SCHIP1: variants seen among roughly 807,000 people sequenced by gnomAD.
The protein encoded by SCHIP1 is schwannomin interacting protein 1.
SCHIP1 carries 8 observed loss-of-function variants against 29.7 expected under a neutral mutation model. That is an observed-to-expected ratio of 0.27 (90% CI 0.16 to 0.49). SCHIP1 has a LOEUF of 0.49. Among genes scored for constraint, SCHIP1 ranks in the 20% least tolerant of loss-of-function variants. The pLI is 0.99. For synonymous variants in SCHIP1, 76 were observed against 94.9 expected (o/e 0.80, Z 1.16); for missense variants, 193 against 294.6 (o/e 0.66, Z 2.52).
At chr3:159,880,578 A>G (rs988838278) in intron 2 of SCHIP1, among the ~76,000 whole-genome samples, 2 of 152,368 alleles carry the variant, frequency 1.3e-5, no homozygotes, top group Non-Finnish European at 2.9e-5. Flanking sequence ...AAAAAGAAAC[A>G]TAAGTGAGTG....
the SCHIP1 span, among the ~76,000 whole-genome samples, chr3:159,793,987 C>T: frequency 6.6e-6 from 1 of 152,300 alleles, no homozygotes; most frequent in South Asian, 2.1e-4. Context: ...TATGAGGACC[C>T]ATGTAACTAC....
chr3:159,544,620 C>T, the SCHIP1 span, among the ~76,000 whole-genome samples: 214 of 152,040 alleles, frequency 1.4e-3, 6 homozygotes, highest in East Asian at 0.04. Flanking sequence ...AGCATCGTTT[C>T]ATGTTTTCTT....
At chr3:159,487,707 C>T in the SCHIP1 span, among the ~76,000 whole-genome samples, 7 of 152,198 alleles carry the variant, frequency 4.6e-5, no homozygotes, top group East Asian at 1.4e-3. Context: ...GTGATAGAAG[C>T]CCACCTAAGA....
At chr3:159,632,661 T>C in the SCHIP1 span, among the ~76,000 whole-genome samples, 4 of 152,302 alleles carry the variant, frequency 2.6e-5, no homozygotes, top group Non-Finnish European at 4.4e-5. Flanking sequence ...GCCATGGAAT[T>C]GGATCATCAA....
At chr3:159,439,046 G>A in the SCHIP1 span, among the ~76,000 whole-genome samples, 3,728 of 152,168 alleles carry the variant, frequency 0.024, 159 homozygotes, top group African/African-American at 0.085. Flanking sequence ...TCTGCCCGTA[G>A]GTCTTTGAAA....
At chr3:159,294,350 T>C in the SCHIP1 span, among the ~76,000 whole-genome samples, 1 of 152,198 alleles carries the variant, frequency 6.6e-6, no homozygotes, top group Non-Finnish European at 1.5e-5. Flanking sequence ...ATAATCAAGT[T>C]GATTTGGGGT....
chr3:159,663,695 C>T, the SCHIP1 span, among the ~76,000 whole-genome samples: 7 of 152,102 alleles, frequency 4.6e-5, no homozygotes, highest in African/African-American at 1.7e-4. Flanking sequence ...TATGCAGAAG[C>T]TAGTTACACT....
the SCHIP1 span, among the ~76,000 whole-genome samples, chr3:159,570,578 T>G: frequency 2.0e-5 from 3 of 152,324 alleles, no homozygotes; most frequent in East Asian, 1.9e-4. Flanking sequence ...TCAGGTAGCG[T>G]GATGCCTCCA....
chr3:159,309,241 T>C, the SCHIP1 span: 30 of 206,774 alleles, frequency 1.5e-4, no homozygotes, highest in African/African-American at 6.6e-4. Context: ...ATGCAATAAA[T>C]AAACAACTAA....
chr3:159,812,822 G>A, the SCHIP1 span, among the ~76,000 whole-genome samples: 1 of 152,164 alleles, frequency 6.6e-6, no homozygotes, highest in Non-Finnish European at 1.5e-5. Context: ...AATTTATAAG[G>A]AAAAGAGGTT....
the SCHIP1 span, among the ~76,000 whole-genome samples, chr3:159,551,636 ATATT>A: frequency 6.6e-6 from 1 of 152,196 alleles, no homozygotes; most frequent in East Asian, 1.9e-4. Context: ...TAAAGCTTAT[ATATT>A]TTTCAAATAT....
chr3:159,291,438 T>G, the SCHIP1 span, among the ~76,000 whole-genome samples: 6 of 152,144 alleles, frequency 3.9e-5, no homozygotes. Flanking sequence ...CAATTTCTGC[T>G]TTACAAAGTT....
At chr3:159,528,185 A>G in the SCHIP1 span, among the ~76,000 whole-genome samples, 1 of 152,252 alleles carries the variant, frequency 6.6e-6, no homozygotes, top group Non-Finnish European at 1.5e-5. Context: ...CCTATTTATA[A>G]AAGAACACCT....
At position 159,863,295 on chromosome 3, in the gene SCHIP1, G is replaced by A. The variant is rs1262080001; in HGVS notation, c.31-2868G>A. On this transcript the variant is annotated intron_variant, in intron 1 of 6. Transcript: ENST00000445224. ...GTGAATGTTGCAGTGAGTCGAAATGGTGCCACTGCACTCCAGCCTGGTGAC... is the reference window on the plus strand; with the variant it reads ...GTGAATGTTGCAGTGAGTCGAAATGATGCCACTGCACTCCAGCCTGGTGAC... Among the ~76,000 whole-genome samples, 3 of 151,952 alleles carry A rather than the reference G, an allele frequency of 2.0e-5. No homozygotes were observed. The East Asian group carries it at 5.8e-4, about 29-fold the overall frequency.
chr3:159,442,134 A>AATG, the SCHIP1 span, among the ~76,000 whole-genome samples: 1 of 152,122 alleles, frequency 6.6e-6, no homozygotes, highest in African/African-American at 2.4e-5. Context: ...TGAGACTGTA[A>AATG]ATGGGTCTTT....
the SCHIP1 span, among the ~76,000 whole-genome samples, chr3:159,335,720 C>A: frequency 6.6e-6 from 1 of 152,196 alleles, no homozygotes; most frequent in African/African-American, 2.4e-5. Flanking sequence ...ATATGTGCCA[C>A]ATTTTCTTAA....
At chr3:159,580,684 C>T in the SCHIP1 span, among the ~76,000 whole-genome samples, 2 of 152,152 alleles carry the variant, frequency 1.3e-5, no homozygotes, top group East Asian at 1.9e-4. Context: ...GAAGACAGTA[C>T]GTACCCTTTT....
the SCHIP1 span, among the ~76,000 whole-genome samples, chr3:159,315,913 A>AT: frequency 4.5e-5 from 5 of 111,950 alleles, no homozygotes; most frequent in Admixed American, 3.9e-4. Flanking sequence ...CAAGTCACTT[A>AT]TTTTTTTGTC....
At chr3:159,430,046 C>T in the SCHIP1 span, among the ~76,000 whole-genome samples, 1 of 152,102 alleles carries the variant, frequency 6.6e-6, no homozygotes, top group African/African-American at 2.4e-5. Context: ...CATTCCACTA[C>T]AATCCAAACA....
Sources: allele counts gnomAD v4.1 joint callset (sites outside exome capture counted in the v4.1 genomes callset), GRCh38; gene constraint gnomAD v4.1.1; transcripts MANE v1.5; gene names NCBI Gene and HGNC (gene_info 2026-07-23, HGNC 2026-07-21).